The following CDK13 variants were observed in gnomAD, a reference collection of about 807,000 sequenced individuals.
CDK13 encodes cyclin dependent kinase 13, also known as cyclin-dependent kinase 13.
CDK13 carries 40 observed loss-of-function variants against 137.6 expected under a neutral mutation model. That is an observed-to-expected ratio of 0.29 (90% CI 0.23 to 0.38). The LOEUF is 0.38. Ranked by LOEUF, CDK13 falls within the 10% of genes least tolerant of loss-of-function variation. The pLI is 1.00. For missense variants in CDK13, 1,704 were observed against 1,951.8 expected (o/e 0.87, Z 2.39); for synonymous variants, 869 against 760.1 (o/e 1.14, Z -2.36).
At chr7:40,091,747 G>T (rs1236803312) in intron 12 of CDK13, among the ~76,000 whole-genome samples, 1 of 152,160 alleles carries the variant, frequency 6.6e-6, no homozygotes, top group African/African-American at 2.4e-5. Flanking sequence ...CATGCTCACG[G>T]ATCATAAGAA....
chr7:40,065,584 A>C (rs1444795121), intron 9 of CDK13, among the ~76,000 whole-genome samples: 1 of 152,212 alleles, frequency 6.6e-6, no homozygotes, highest in African/African-American at 2.4e-5. Flanking sequence ...CAAGTTGGAC[A>C]AGCTTGCTTT....
At chr7:39,987,445 T>C (rs896402105) in intron 1 of CDK13, among the ~76,000 whole-genome samples, 154 bp from the exon 2 acceptor site, 9 of 152,216 alleles carry the variant, frequency 5.9e-5, no homozygotes, top group African/African-American at 1.9e-4. Flanking sequence ...TACTCTACTT[T>C]AAAGAAATTT....
intron 3 of CDK13, chr7:39,998,443 C>A (rs1719536): frequency 0.46 from 15,265 of 33,042 alleles, 3,613 homozygotes; most frequent in African/African-American, 0.71. Flanking sequence ...CCATCTCTAC[C>A]AAAAAAAAAA....
intron 7 of CDK13, among the ~76,000 whole-genome samples, chr7:40,049,436 T>G (rs1364852635): frequency 1.3e-5 from 2 of 151,768 alleles, no homozygotes; most frequent in East Asian, 3.9e-4. Flanking sequence ...TTAAAACTGT[T>G]TTAAAGCTCA....
intron 7 of CDK13, chr7:40,061,569 T>G (rs1025645611): frequency 2.0e-5 from 3 of 152,216 alleles, no homozygotes; most frequent in African/African-American, 7.2e-5. Context: ...CAAGCCAAGC[T>G]TAGGTAAATG....
chr7:39,961,926 G>A (rs1471432343), intron 1 of CDK13, among the ~76,000 whole-genome samples: 1 of 152,078 alleles, frequency 6.6e-6, no homozygotes, highest in Admixed American at 6.5e-5. Flanking sequence ...TGAGAATGAT[G>A]GTCTCCAGCT....
intron 1 of CDK13, chr7:39,986,659 CT>C (rs557314623): frequency 1.7e-3 from 261 of 152,130 alleles, no homozygotes; most frequent in African/African-American, 5.0e-3. Flanking sequence ...TGTATATTAA[CT>C]TTTTTACTCT....
At chr7:39,974,910 C>T (rs915021093) in intron 1 of CDK13, among the ~76,000 whole-genome samples, 5 of 152,106 alleles carry the variant, frequency 3.3e-5, no homozygotes, top group Admixed American at 3.3e-4. Flanking sequence ...ATGGCTAGAA[C>T]CTCAAATACA....
chr7:39,976,323 T>TCACA (rs764395925), intron 1 of CDK13, among the ~76,000 whole-genome samples: 785 of 39,504 alleles, frequency 0.02, 33 homozygotes, highest in African/African-American at 0.031. Context: ...TCTCTCTCTC[T>TCACA]CACACACACA....
chr7:40,065,393 C>T (rs947590191), intron 9 of CDK13, among the ~76,000 whole-genome samples: 1 of 151,780 alleles, frequency 6.6e-6, no homozygotes, highest in East Asian at 1.9e-4. Flanking sequence ...TTTCCCTGGA[C>T]CACACTGGAA....
Position 39,951,388 on chromosome 7 carries a change from C to G in CDK13, c.747C>G (p.Gly249=), listed in dbSNP as rs772778382. Reference sequence around the variant, plus strand: ...AACGGGCCGAGGTCGCCAAGAGCGGCAGCAGCAGCAGCAGCGGCGGCCGCC... The same window carrying G: ...AACGGGCCGAGGTCGCCAAGAGCGGGAGCAGCAGCAGCAGCGGCGGCCGCC... The part of the protein sequence containing the change: ...GEERAEVAKS[G]SSSSSGGRRK... The change falls in exon 1 of 14, where the codon GGC becomes GGG. Residue 249 remains glycine (G), a synonymous_variant. Transcript: ENST00000181839. 4 of 1,499,462 alleles carry G rather than the reference C, an allele frequency of 2.7e-6. No individual in the cohort carries two copies. The East Asian group carries it at 1.1e-4, about 40-fold the overall frequency. 92.9% of individuals were successfully genotyped at this position (1,499,462 alleles called of 1,614,324 possible).
intron 1 of CDK13, among the ~76,000 whole-genome samples, chr7:39,970,087 C>T (rs1202801509): frequency 2.0e-5 from 3 of 151,678 alleles, no homozygotes; most frequent in Non-Finnish European, 4.4e-5. Flanking sequence ...TCACTGCAAC[C>T]TCCGCCTCCT....
At chr7:39,972,365 T>C (rs1273418179) in intron 1 of CDK13, among the ~76,000 whole-genome samples, 2 of 152,258 alleles carry the variant, frequency 1.3e-5, no homozygotes, top group African/African-American at 4.8e-5. Flanking sequence ...TGTTTTAAAC[T>C]ATAATTTATT....
At chr7:39,965,195 C>T (rs1469582819) in intron 1 of CDK13, among the ~76,000 whole-genome samples, 3 of 152,218 alleles carry the variant, frequency 2.0e-5, no homozygotes, top group Non-Finnish European at 1.5e-5. Flanking sequence ...CTTTCTGTCT[C>T]GTTGATCTGT....
intron 1 of CDK13, among the ~76,000 whole-genome samples, chr7:39,975,902 A>T (rs1191610925): frequency 6.6e-6 from 1 of 152,354 alleles, no homozygotes; most frequent in South Asian, 2.1e-4. Context: ...AATCCAATTT[A>T]TGTTTTTAAA....
At chr7:39,954,658 CAG>C (rs765119041) in intron 1 of CDK13, among the ~76,000 whole-genome samples, 34 of 152,300 alleles carry the variant, frequency 2.2e-4, no homozygotes, top group Non-Finnish European at 4.1e-4. Context: ...CTGTAAGAAA[CAG>C]TGTAATATTT....
At position 39,997,504 on chromosome 7, in the gene CDK13, A is replaced by C; in HGVS notation, c.1882A>C (p.Asn628His). 4 of 1,595,136 alleles carry C rather than the reference A, an allele frequency of 2.5e-6. No individual in the cohort carries two copies. The highest frequency in any genetic ancestry group is 3.4e-6 in the Non-Finnish European group (4 of 1,175,784). ...EDKEADSLRG[N>H]ISVKAVKKEV... is the part of the protein sequence containing the mutation. ...TTCTTTCACTTTCAGCTTACGAGGA[A>C]ATATTTCAGTAAAAGCAGTTAAAAA... Residue 628 changes from asparagine (N) to histidine (H), a missense_variant, in exon 3 of 14, where the codon AAT becomes CAT. Around this residue, in one of 5 missense-constraint regions of CDK13, gnomAD observed 1,051 missense variants for 931.0 expected, o/e 1.13. Transcript: ENST00000181839.
rs780965454 is a variant in CDK13, at chr7:40,092,834, A to C, written c.3285A>C (p.Leu1095=). 9 of 1,614,096 alleles carry C rather than the reference A, an allele frequency of 5.6e-6. No homozygotes were observed. The East Asian group carries it at 6.7e-5, about 12-fold the overall frequency. ...TAAACCACAGTGAATTGGCAATTCT[A>C]CTAAACCTACTACAATCTAAAACAA... The part of the protein sequence containing the change: ...QHLNHSELAI[L]LNLLQSKTSV... Residue 1095 remains leucine, a synonymous_variant, in exon 13 of 14, where the codon CTA becomes CTC. Transcript: ENST00000181839.
intron 5 of CDK13, among the ~76,000 whole-genome samples, chr7:40,012,729 T>C (rs1372479360): frequency 1.3e-5 from 2 of 151,864 alleles, no homozygotes; most frequent in African/African-American, 4.8e-5. Context: ...CTGGCCAAAA[T>C]GGTGCAACCC....
Sources: allele counts gnomAD v4.1 joint callset (sites outside exome capture counted in the v4.1 genomes callset), GRCh38; gene constraint gnomAD v4.1.1; regional missense constraint gnomAD v4.1.1; transcripts MANE v1.5; gene names NCBI Gene and HGNC (gene_info 2026-07-23, HGNC 2026-07-21).